Variants in NBAS observed in about 807,000 individuals in gnomAD.
The protein encoded by NBAS is NAG/BC035112 fusion.
In NBAS, 219 loss-of-function variants were observed where a neutral mutation model predicts 302.5. The ratio of observed to expected loss-of-function variants is 0.72; its 90% CI spans 0.65 to 0.81. The LOEUF (loss-of-function observed/expected upper bound fraction) is 0.81. NBAS is among the 30% of genes least tolerant of loss of function. The pLI is 0.00. For synonymous variants in NBAS, 1,118 were observed against 1,021.6 expected, an observed-to-expected ratio of 1.09 and a Z score of -1.80; for missense variants, 2,932 against 2,841.6, an observed-to-expected ratio of 1.03 and a Z score of -0.72.
At chr2:15,456,080 T>C (rs542200890) in intron 21 of NBAS, among the ~76,000 whole-genome samples, 1 of 152,192 alleles carries the variant, frequency 6.6e-6, no homozygotes, top group African/African-American at 2.4e-5. Context: ...AGTTACAAAC[T>C]CAGAACAGGT....
At chr2:15,536,938 C>T (rs1284695515) in intron 7 of NBAS, among the ~76,000 whole-genome samples, 1 of 152,208 alleles carries the variant, frequency 6.6e-6, no homozygotes, top group Non-Finnish European at 1.5e-5. Flanking sequence ...CAGCAGTAGC[C>T]TGCGGTAAAA....
chr2:15,045,923 G>A, the NBAS span, among the ~76,000 whole-genome samples: 1 of 152,172 alleles, frequency 6.6e-6, no homozygotes, highest in Non-Finnish European at 1.5e-5. Flanking sequence ...CTGTAAGAGA[G>A]TGTGTACCCC....
rs116643327 is a variant in NBAS, at chr2:15,352,027, T to C, written c.4144A>G (p.Ser1382Gly). 177 of 1,612,450 alleles carry C rather than the reference T, an allele frequency of 1.1e-4. No homozygotes were observed. The African/African-American group carries it at 2.1e-3, about 19-fold the overall frequency. ...QIHHEGGENI[S>G]ASPLTSKAVQ... ...GCTTTACTAGTTAATGGTGAAGCAC[T>C]GATATTTTCCCCTCCTTCATGATGG... Residue 1382 changes from serine to glycine, a missense_variant, in exon 35 of 52, where the codon AGT becomes GGT. Coordinates refer to ENST00000281513, the MANE Select transcript of NBAS (RefSeq NM_015909.4).
At chr2:15,079,404 C>A in the NBAS span, among the ~76,000 whole-genome samples, 1 of 151,998 alleles carries the variant, frequency 6.6e-6, no homozygotes, top group Non-Finnish European at 1.5e-5. Context: ...GTAAGAATGT[C>A]ACCATCATCA....
At chr2:14,787,446 G>A in the NBAS span, among the ~76,000 whole-genome samples, 1 of 152,186 alleles carries the variant, frequency 6.6e-6, no homozygotes, top group Admixed American at 6.5e-5. Flanking sequence ...GCATGATTTT[G>A]CAGTGGCTGG....
the NBAS span, among the ~76,000 whole-genome samples, chr2:14,925,173 G>A: frequency 1.3e-5 from 2 of 152,076 alleles, no homozygotes; most frequent in Admixed American, 6.5e-5. Flanking sequence ...ACACTACTAT[G>A]GCACTTGCTA....
chr2:14,978,957 A>T, the NBAS span, among the ~76,000 whole-genome samples: 2 of 152,230 alleles, frequency 1.3e-5, no homozygotes, highest in African/African-American at 4.8e-5. Context: ...AAACTTGAAT[A>T]GAAGTTTCAC....
rs112230454 is a variant in NBAS at position 15,522,499 on chromosome 2, G to A, written c.747-11149C>T. Among the ~76,000 whole-genome samples, 37 of 152,242 alleles carry A rather than the reference G, an allele frequency of 2.4e-4. No homozygotes were observed. The South Asian group carries it at 6.0e-3, about 25-fold the overall frequency. ...ATCCAGGAAAAGATGTTCAGTAAGC[G>A]AGTGAATAAATAGCTCTGTGGCCTA... is the stretch of plus-strand genomic sequence containing the variant. On this transcript the variant is annotated intron_variant, in intron 9 of 51. Coordinates refer to ENST00000281513, the MANE Select transcript of NBAS (RefSeq NM_015909.4).
chr2:15,514,276 T>C (rs1662282709), intron 9 of NBAS, among the ~76,000 whole-genome samples: 1 of 152,174 alleles, frequency 6.6e-6, no homozygotes, highest in Non-Finnish European at 1.5e-5. Flanking sequence ...CAGTATACTA[T>C]TCTACTTTTG....
chr2:14,828,459 G>T, the NBAS span, among the ~76,000 whole-genome samples: 2 of 152,144 alleles, frequency 1.3e-5, no homozygotes, highest in South Asian at 2.1e-4. Context: ...AGGAGGAGAG[G>T]TTAGGCAGAG....
Position 15,379,734 on chromosome 2 carries a change from G to C in NBAS, c.3458C>G (p.Ala1153Gly). Residue 1153 changes from alanine (A) to glycine (G), a missense_variant, in exon 30 of 52, where the codon GCT becomes GGT. Ala to Gly is a moderately conservative substitution (Grantham distance 60). Transcript: ENST00000281513. ...GGGTTTCCCTTTATGGGCTATACCA[G>C]CTGGAGGATTTTCTGAACAAGCACT... ...HCSACSENPP[A>G]GIAHKGKPHY... The C allele has an allele frequency of 6.2e-7, 1 of 1,614,048 alleles. No homozygotes were observed. The highest frequency in any genetic ancestry group is 8.5e-7 in the Non-Finnish European group (1 of 1,180,000).
chr2:14,849,251 A>G, the NBAS span, among the ~76,000 whole-genome samples: 4 of 151,794 alleles, frequency 2.6e-5, no homozygotes, highest in Admixed American at 6.6e-5. Flanking sequence ...GGAGCTGAAA[A>G]CCAAGGCTCG....
At chr2:15,433,111 C>A (rs972566277) in intron 21 of NBAS, among the ~76,000 whole-genome samples, 4 of 152,104 alleles carry the variant, frequency 2.6e-5, no homozygotes, top group African/African-American at 9.7e-5. Flanking sequence ...CGCAATACTG[C>A]CTGCTCAAAT....
chr2:14,792,112 A>G, the NBAS span, among the ~76,000 whole-genome samples: 1 of 152,166 alleles, frequency 6.6e-6, no homozygotes, highest in Non-Finnish European at 1.5e-5. Flanking sequence ...GAACCAGGTG[A>G]GCCTCAGCAT....
At chr2:14,792,761 A>G in the NBAS span, among the ~76,000 whole-genome samples, 1 of 152,160 alleles carries the variant, frequency 6.6e-6, no homozygotes, top group Non-Finnish European at 1.5e-5. Flanking sequence ...CATCCATTAT[A>G]CTAAAAACCA....
At chr2:15,378,376 G>C (rs905293594) in intron 30 of NBAS, among the ~76,000 whole-genome samples, 2 of 152,182 alleles carry the variant, frequency 1.3e-5, no homozygotes, top group Admixed American at 1.3e-4. Context: ...CTGCAAACGA[G>C]AGTTGGAAAA....
the NBAS span, among the ~76,000 whole-genome samples, chr2:14,972,554 C>T: frequency 6.6e-6 from 1 of 152,080 alleles, no homozygotes; most frequent in Non-Finnish European, 1.5e-5. Context: ...GAAATTAACC[C>T]AAACAGTATG....
the NBAS span, among the ~76,000 whole-genome samples, chr2:15,021,494 T>TG: frequency 6.6e-6 from 1 of 152,080 alleles, no homozygotes; most frequent in Non-Finnish European, 1.5e-5. Context: ...AGAGAGGAAA[T>TG]GACAAGTGAC....
At chr2:15,041,582 G>A in the NBAS span, among the ~76,000 whole-genome samples, 9 of 152,222 alleles carry the variant, frequency 5.9e-5, no homozygotes, top group Non-Finnish European at 1.2e-4. Context: ...AAGTCAGCCA[G>A]GGACAGACAA....
Sources: gnomAD v4.1 joint callset for allele counts (sites outside exome capture counted in the v4.1 genomes callset) on GRCh38, gnomAD v4.1.1 for gene constraint, MANE v1.5 for transcripts, NCBI Gene and HGNC (gene_info 2026-07-23, HGNC 2026-07-21) for gene names.